DNMT1: variants seen among roughly 807,000 people sequenced by gnomAD.
DNMT1 encodes DNA (cytosine-5)-methyltransferase 1.
A neutral mutation model predicts 205.3 loss-of-function variants in DNMT1; 24 were observed. That is an observed-to-expected ratio of 0.12 (90% CI 0.08 to 0.16). The LOEUF (loss-of-function observed/expected upper bound fraction) is 0.16. Ranked by LOEUF, DNMT1 falls within the 10% of genes least tolerant of loss-of-function variation. The pLI, the probability that DNMT1 is intolerant of heterozygous loss-of-function variation, is 1.00. For synonymous variants in DNMT1, 817 were observed against 839.8 expected (o/e 0.97, Z 0.47); for missense variants, 1,293 against 2,177.7 (o/e 0.59, Z 8.09).
At chr19:10,149,195 G>A (rs2038277140) in intron 26 of DNMT1, among the ~76,000 whole-genome samples, 178 bp from the exon 27 acceptor site, 1 of 151,832 alleles carries the variant, frequency 6.6e-6, no homozygotes, top group Admixed American at 6.6e-5. Flanking sequence ...CGTGATGGTG[G>A]GTGCCTGTAA....
At chr19:10,192,433 T>C (rs1299516329) in intron 1 of DNMT1, among the ~76,000 whole-genome samples, 1 of 151,876 alleles carries the variant, frequency 6.6e-6, no homozygotes, top group Non-Finnish European at 1.5e-5. Context: ...TACGCTTGTT[T>C]AAGGTCATTG....
intron 1 of DNMT1, among the ~76,000 whole-genome samples, chr19:10,194,118 A>T (rs536119590): frequency 6.6e-6 from 1 of 152,320 alleles, no homozygotes; most frequent in Admixed American, 6.5e-5. Flanking sequence ...TTACAGGAAA[A>T]GACCAACCAT....
Position 10,151,347 on chromosome 19 carries a change from C to G in DNMT1, c.2265+51G>C. On this transcript the variant is annotated intron_variant, in intron 24 of 40. Transcript: ENST00000359526. The surrounding 1 kb of genome is among the most constrained non-coding windows in gnomAD (Gnocchi z 5.0). ...GGTTGGCGAGATACTAGAGGGCAAC[C>G]TGCTTATTGGGAACATGGCAGTGAG... 1 of 1,605,502 alleles carries G rather than the reference C, an allele frequency of 6.2e-7. No individual in the cohort carries two copies. Among genetic ancestry groups the G allele is most frequent in the South Asian group, 1.1e-5 (1 of 90,982 alleles).
chr19:10,167,708 G>A (rs2038725183), intron 10 of DNMT1, among the ~76,000 whole-genome samples: 1 of 152,194 alleles, frequency 6.6e-6, no homozygotes, highest in East Asian at 1.9e-4. Flanking sequence ...CTAGGCCTCT[G>A]GCCTTGGAGC....
intron 1 of DNMT1, among the ~76,000 whole-genome samples, chr19:10,183,125 A>T (rs148014446): frequency 0.044 from 5,153 of 117,472 alleles, 181 homozygotes; most frequent in African/African-American, 0.085. Flanking sequence ...ATATATATAT[A>T]TTTTTTTTTT....
chr19:10,160,161 C>A (rs1350682970), intron 14 of DNMT1, 98 bp from the exon 15 acceptor site: 1 of 1,593,080 alleles, frequency 6.3e-7, no homozygotes, highest in African/African-American at 1.3e-5. Flanking sequence ...GCCTGTGGCA[C>A]AGGGAGGCAC....
At chr19:10,171,529 G>A (rs1413153261) in intron 9 of DNMT1, among the ~76,000 whole-genome samples, 2 of 152,152 alleles carry the variant, frequency 1.3e-5, no homozygotes, top group African/African-American at 4.8e-5. Context: ...AAATTGGCTA[G>A]GCGCGGTGGT....
In DNMT1 at chr19:10,155,948, AG is replaced by A. The variant is rs2038448180; in HGVS notation, c.1400-4del. On this transcript the variant is annotated splice_region_variant and splice_polypyrimidine_tract_variant and intron_variant, in intron 18 of 40. Transcript: ENST00000359526. The stretch of plus-strand genomic sequence containing the variant: ...AAGATTTTTGCCATTAACACCACCT[AG>A]AGCAGAAAAAGGAAATGGACTAAAG... The A allele has an allele frequency of 6.2e-7, 1 of 1,612,618 alleles. No homozygotes were observed. The highest frequency in any genetic ancestry group is 1.7e-5 in the Admixed American group (1 of 59,816).
intron 28 of DNMT1, among the ~76,000 whole-genome samples, chr19:10,144,910 G>A (rs777739241): frequency 3.3e-5 from 5 of 152,150 alleles, no homozygotes; most frequent in Non-Finnish European, 7.3e-5. Context: ...AGCTAACCCT[G>A]GCTAATTTAT....
At chr19:10,148,440 A>G (rs530257019) in intron 27 of DNMT1, among the ~76,000 whole-genome samples, 10 of 150,632 alleles carry the variant, frequency 6.6e-5, no homozygotes, top group South Asian at 4.2e-4. Flanking sequence ...AGTTTGCAGT[A>G]AGCCAAGATC....
chr19:10,191,724 T>C (rs1473172591), intron 1 of DNMT1, among the ~76,000 whole-genome samples: 1 of 152,056 alleles, frequency 6.6e-6, no homozygotes, highest in Non-Finnish European at 1.5e-5. Flanking sequence ...GGCCGGGCCC[T>C]GTGGCTCACG....
intron 13 of DNMT1, among the ~76,000 whole-genome samples, chr19:10,160,856 C>T (rs1235524427): frequency 6.6e-6 from 1 of 152,178 alleles, no homozygotes; most frequent in Non-Finnish European, 1.5e-5. Flanking sequence ...CACTGCATTC[C>T]AGCCTGGGCG....
Position 10,170,306 on chromosome 19 carries a change from G to C in DNMT1, c.769-1942C>G, listed in dbSNP as rs182665087. On this transcript the variant is annotated intron_variant, in intron 9 of 40. Transcript: ENST00000359526. ...TCTCAATTAAAAAAAAAGAAAAAAA[G>C]CAAGAAAGACCAACCTCAAGTACTG... 1.2e-3 allele frequency among the ~76,000 whole-genome samples: 187 copies of C among 152,010 alleles called. 1 individual carries two copies. Among genetic ancestry groups the C allele is most frequent in the African/African-American group, 4.4e-3 (183 of 41,478 alleles).
intron 4 of DNMT1, 54 bp downstream of exon 4, chr19:10,180,296 A>G: frequency 6.3e-7 from 1 of 1,588,930 alleles, no homozygotes; most frequent in East Asian, 2.2e-5. Context: ...TGGGCAACAC[A>G]GTGAGACTCC....
intron 27 of DNMT1, among the ~76,000 whole-genome samples, chr19:10,147,583 C>A (rs139742916): frequency 0.015 from 2,234 of 152,148 alleles, 32 homozygotes; most frequent in South Asian, 0.051. Flanking sequence ...TGCACTCCAG[C>A]CTGGGTGACA....
In DNMT1 at chr19:10,154,452, G is replaced by A; in HGVS notation, c.1860C>T (p.Ile620=). ...QRRAQARRQT[I]RHSTREKDRG... ...TGTCCTTCTCCCTGGTAGAATGCCT[G>A]ATGGTCTGCCGCCTCGCCTGGGCTC... The change falls in exon 22 of 41, where the codon ATC becomes ATT. Residue 620 remains isoleucine (I), a synonymous_variant. Coordinates refer to ENST00000359526, the MANE Select transcript of DNMT1 (RefSeq NM_001130823.3). The surrounding 1 kb of genome is among the most constrained non-coding windows in gnomAD (Gnocchi z 6.3). 2 of 1,614,266 alleles carry A rather than the reference G, an allele frequency of 1.2e-6. No homozygotes were observed. Among genetic ancestry groups the A allele is most frequent in the Non-Finnish European group, 1.7e-6 (2 of 1,180,044 alleles).
intron 1 of DNMT1, among the ~76,000 whole-genome samples, chr19:10,188,971 C>A (rs2039248472): frequency 6.6e-6 from 1 of 152,332 alleles, no homozygotes; most frequent in Non-Finnish European, 1.5e-5. Flanking sequence ...GAAAGGAATG[C>A]AGCCTGCTTA....
At chr19:10,181,236 CCA>C (rs2039039851) in intron 2 of DNMT1, among the ~76,000 whole-genome samples, 2 of 151,624 alleles carry the variant, frequency 1.3e-5, no homozygotes, top group African/African-American at 4.8e-5. Flanking sequence ...GCTTTGAGCC[CCA>C]GAGTTCAAGA....
chr19:10,194,643 G>C, intron 1 of DNMT1, 177 bp downstream of exon 1: 1 of 824,348 alleles, frequency 1.2e-6, no homozygotes. Context: ...AAACAGCCCG[G>C]GCACGCGCGA....
Sources: gnomAD v4.1 joint callset for allele counts (sites outside exome capture counted in the v4.1 genomes callset) on GRCh38, gnomAD v4.1.1 for gene constraint, Gnocchi (gnomAD v3.1) non-coding constraint, MANE v1.5 for transcripts, NCBI Gene and HGNC (gene_info 2026-07-23, HGNC 2026-07-21) for gene names.